ID1: variants seen among roughly 807,000 people sequenced by gnomAD.
The protein encoded by ID1 is DNA-binding protein inhibitor ID-1.
A neutral mutation model predicts 11.3 loss-of-function variants in ID1; 8 were observed. That is an observed-to-expected ratio of 0.71 (90% CI 0.42 to 1.28). ID1 has a LOEUF of 1.28. Ranked by LOEUF, ID1 falls within the 50% of genes most tolerant of loss-of-function variation. ID1 has a pLI of 0.01. For synonymous variants in ID1, 176 were observed against 100.2 expected (o/e 1.76, Z -4.52); for missense variants, 347 against 219.8 (o/e 1.58, Z -3.66).
Position 31,605,572 on chromosome 20 carries a change from T to A in ID1, c.185T>A (p.Val62Glu). Residue 62 changes from valine (V) to glutamate (E), a missense_variant, in exon 1 of 2, where the codon GTA (valine) becomes GAA (glutamate). Transcript: ENST00000376112. ...CCTGCCCTGCTGGACGAGCAGCAGG[T>A]AAACGTGCTGCTCTACGACATGAAC... is the stretch of plus-strand genomic sequence containing the variant. ...RLPALLDEQQ[V>E]NVLLYDMNGC... 1 of 1,560,760 alleles carries A rather than the reference T, an allele frequency of 6.4e-7. No homozygotes were observed.
chr20:31,605,661 G>A lies in ID1; in HGVS notation c.274G>A (p.Val92Met), dbSNP rs1374885672. 6.2e-7 allele frequency: 1 copy of A among 1,608,340 alleles called. No individual in the cohort carries two copies. Among genetic ancestry groups the A allele is most frequent in the South Asian group, 1.1e-5 (1 of 90,138 alleles). ...GCCCCAGAACCGCAAGGTGAGCAAG[G>A]TGGAGATTCTCCAGCACGTCATCGA... ...TLPQNRKVSK[V>M]EILQHVIDYI... The change falls in exon 1 of 2, where the codon GTG becomes ATG. Residue 92 changes from valine (V) to methionine (M), a missense_variant. Coordinates refer to ENST00000376112, the MANE Select transcript of ID1 (RefSeq NM_002165.4).
rs1986097218 is a variant in ID1, at chr20:31,606,063, T to A, written c.437T>A (p.Val146Asp). 6.2e-7 allele frequency: 1 copy of A among 1,610,450 alleles called. No homozygotes were observed. The highest frequency in any genetic ancestry group is 1.3e-5 in the African/African-American group (1 of 74,948). ...ISALTAEAACVPADDRILCR is the reference protein window; with the variant it reads ...ISALTAEAACDPADDRILCR ...TTCTCGTTTTCACAGGCGGCATGCG[T>A]TCCTGCGGACGATCGCATCTTGTGT... Residue 146 changes from valine to aspartate, a missense_variant, in exon 2 of 2, where the codon GTT becomes GAT. Transcript: ENST00000376112.
rs575404897 is a variant in ID1, at chr20:31,606,009, C to T, written c.427-44C>T. On this transcript the variant is annotated intron_variant, in intron 1 of 1. Coordinates refer to ENST00000376112, the MANE Select transcript of ID1 (RefSeq NM_002165.4). Reference sequence around the variant, plus strand: ...GGGGCGTTCGCTGCGCTCGGAGCGGCGTCCCTTCCAACCCGCCGGTCTCAT... The same window carrying T: ...GGGGCGTTCGCTGCGCTCGGAGCGGTGTCCCTTCCAACCCGCCGGTCTCAT... 13 of 1,608,850 alleles carry T rather than the reference C, an allele frequency of 8.1e-6. No homozygotes were observed. In the African/African-American group the frequency reaches 1.3e-4, roughly 16 times the overall value.
Position 31,606,155 on chromosome 20 carries a change from T to G in ID1, c.*61T>G, listed in dbSNP as rs1986102588. On this transcript the variant is annotated 3_prime_UTR_variant, in exon 2 of 2. Transcript: ENST00000376112. ...CCAGGGGGCAAGAGGAATTACGTGCTCTGTGGGTCTCCCCCAACGCGCCTC... is the reference window on the plus strand; with the variant it reads ...CCAGGGGGCAAGAGGAATTACGTGCGCTGTGGGTCTCCCCCAACGCGCCTC... The G allele has an allele frequency of 3.9e-6, 6 of 1,528,868 alleles. No homozygotes were observed. The highest frequency in any genetic ancestry group is 5.4e-6 in the Non-Finnish European group (6 of 1,108,092). 94.7% of individuals were successfully genotyped at this position (1,528,868 alleles called of 1,614,324 possible).
intron 1 of ID1, 59 bp from the exon 2 acceptor site, chr20:31,605,994 C>T: frequency 6.2e-7 from 1 of 1,611,456 alleles, no homozygotes; most frequent in East Asian, 2.2e-5. Flanking sequence ...GGGGCGTTCG[C>T]TGCGCTCGGA....
rs574815536 is a variant in ID1, at chr20:31,606,026, C to T, written c.427-27C>T. On this transcript the variant is annotated intron_variant, in intron 1 of 1. Transcript: ENST00000376112. ...CGGAGCGGCGTCCCTTCCAACCCGC[C>T]GGTCTCATTTCTTCTCGTTTTCACA... 414 of 1,612,968 alleles carry T rather than the reference C, an allele frequency of 2.6e-4. 1 individual carries two copies. Among genetic ancestry groups the T allele is most frequent in the South Asian group, 2.3e-3 (210 of 91,056 alleles).
intron 1 of ID1, 118 bp from the exon 2 acceptor site, chr20:31,605,935 G>A: frequency 1.3e-6 from 2 of 1,590,044 alleles, no homozygotes; most frequent in Non-Finnish European, 1.7e-6. Context: ...ATGCGGGGGT[G>A]CCTAAGGAGC....
Position 31,606,274 on chromosome 20 carries a change from G to C in ID1, c.*180G>C. The C allele has an allele frequency of 1.5e-6, 1 of 651,406 alleles. No individual in the cohort carries two copies. The highest frequency in any genetic ancestry group is 2.8e-6 in the Non-Finnish European group (1 of 363,074). The allele number at this position is 651,406 out of a possible 1,614,324, so 40.4% of individuals were successfully genotyped here. On this transcript the variant is annotated 3_prime_UTR_variant, in exon 2 of 2. Coordinates refer to ENST00000376112, the MANE Select transcript of ID1 (RefSeq NM_002165.4). ...GAGGCTGAGGCACTGGCGAGGAGAG[G>C]GCGCTCCTCTCTGCACACCTACTAG...
chr20:31,606,177 C>A lies in ID1; in HGVS notation c.*83C>A. 1 of 1,413,314 alleles carries A rather than the reference C, an allele frequency of 7.1e-7. No individual in the cohort carries two copies. The highest frequency in any genetic ancestry group is 9.9e-7 in the Non-Finnish European group (1 of 1,007,458). 87.5% of individuals were successfully genotyped at this position (1,413,314 alleles called of 1,614,324 possible). A position where few individuals can be genotyped will look rare whatever the true frequency, so the allele number is the denominator to read the frequency against. ...TGCTCTGTGGGTCTCCCCCAACGCG[C>A]CTCGCCGGATCTGAGGGAGAACAAG... On this transcript the variant is annotated 3_prime_UTR_variant, in exon 2 of 2. Transcript: ENST00000376112.
At position 31,605,714 on chromosome 20, in the gene ID1, G is replaced by C. The variant is rs772960185; in HGVS notation, c.327G>C (p.Leu109=). 1 of 1,611,342 alleles carries C rather than the reference G, an allele frequency of 6.2e-7. No homozygotes were observed. Among genetic ancestry groups the C allele is most frequent in the African/African-American group, 1.3e-5 (1 of 74,746 alleles). ...ACATCAGGGACCTTCAGTTGGAGCT[G>C]AACTCGGAATCCGAAGTTGGAACCC... The part of the protein sequence containing the change: ...IDYIRDLQLE[L]NSESEVGTPG... The change falls in exon 1 of 2, where the codon CTG becomes CTC. Residue 109 remains leucine (L), a synonymous_variant. Transcript: ENST00000376112.
Position 31,605,309 on chromosome 20 carries a change from C to T in ID1, c.-79C>T, listed in dbSNP as rs193117704. 6.1e-5 allele frequency: 82 copies of T among 1,341,972 alleles called. 1 individual carries two copies. In the Admixed American group the frequency reaches 7.3e-4, roughly 12 times the overall value. The allele number at this position is 1,341,972 out of a possible 1,614,324, so 83.1% of individuals were successfully genotyped here. A position where few individuals can be genotyped will look rare whatever the true frequency, so the allele number is the denominator to read the frequency against. On this transcript the variant is annotated 5_prime_UTR_variant, in exon 1 of 2. Coordinates refer to ENST00000376112, the MANE Select transcript of ID1 (RefSeq NM_002165.4). ...CTCTCATTCCACGTTCTTAACTGTTCCATTTTCCGTATCTGCTTCGGGCTT... is the reference window on the plus strand; with the variant it reads ...CTCTCATTCCACGTTCTTAACTGTTTCATTTTCCGTATCTGCTTCGGGCTT...
chr20:31,606,136 G>A lies in ID1; in HGVS notation c.*42G>A, dbSNP rs774673437. On this transcript the variant is annotated 3_prime_UTR_variant, in exon 2 of 2. Transcript: ENST00000376112. ...ACCGGCGGACCCCAGCCATCCAGGGGGCAAGAGGAATTACGTGCTCTGTGG... is the reference window on the plus strand; with the variant it reads ...ACCGGCGGACCCCAGCCATCCAGGGAGCAAGAGGAATTACGTGCTCTGTGG... The A allele has an allele frequency of 1.9e-6, 3 of 1,590,784 alleles. No homozygotes were observed. Among genetic ancestry groups the A allele is most frequent in the African/African-American group, 1.3e-5 (1 of 74,580 alleles).
Position 31,605,501 on chromosome 20 carries a change from G to C in ID1, c.114G>C (p.Gln38His). 6.3e-7 allele frequency: 1 copy of C among 1,598,446 alleles called. No individual in the cohort carries two copies. Among genetic ancestry groups the C allele is most frequent in the Admixed American group, 1.7e-5 (1 of 57,916 alleles). The change falls in exon 1 of 2, where the codon CAG becomes CAC. Residue 38 changes from glutamine to histidine, a missense_variant. Physicochemically the swap from Gln to His is conservative, Grantham distance 24 (BLOSUM62 0). Coordinates refer to ENST00000376112, the MANE Select transcript of ID1 (RefSeq NM_002165.4). ...AGEVVRCLSE[Q>H]SVAISRCAGG... ...AGGTGGTGCGCTGTCTGTCTGAGCA[G>C]AGCGTGGCCATCTCGCGCTGCGCCG... is the stretch of plus-strand genomic sequence containing the variant.
Position 31,605,730 on chromosome 20 carries a change from G to C in ID1, c.343G>C (p.Val115Leu), listed in dbSNP as rs145878183. The change falls in exon 1 of 2, where the codon GTT becomes CTT. Residue 115 changes from valine (V) to leucine (L), a missense_variant. Physicochemically the swap from Val to Leu is conservative, Grantham distance 32. Coordinates refer to ENST00000376112, the MANE Select transcript of ID1 (RefSeq NM_002165.4). ...GTTGGAGCTGAACTCGGAATCCGAA[G>C]TTGGAACCCCCGGGGGCCGAGGGCT... is the stretch of plus-strand genomic sequence containing the variant. The part of the protein sequence containing the change: ...LQLELNSESE[V>L]GTPGGRGLPV... 6.5e-5 allele frequency: 104 copies of C among 1,611,310 alleles called. No individual in the cohort carries two copies. The African/African-American group carries it at 1.2e-3, about 19-fold the overall frequency.
At position 31,605,293 on chromosome 20, in the gene ID1, C is replaced by T. The variant is rs1986041047; in HGVS notation, c.-95C>T. 1.4e-5 allele frequency: 17 copies of T among 1,186,384 alleles called. No individual in the cohort carries two copies. The South Asian group carries it at 1.6e-4, about 11-fold the overall frequency. The allele number at this position is 1,186,384 out of a possible 1,614,324, so 73.5% of individuals were successfully genotyped here. Reference sequence around the variant, plus strand: ...AAGCTGTGGCTCCGCACTCTCATTCCACGTTCTTAACTGTTCCATTTTCCG... The same window carrying T: ...AAGCTGTGGCTCCGCACTCTCATTCTACGTTCTTAACTGTTCCATTTTCCG... On this transcript the variant is annotated 5_prime_UTR_variant, in exon 1 of 2. Coordinates refer to ENST00000376112, the MANE Select transcript of ID1 (RefSeq NM_002165.4).
Position 31,605,491 on chromosome 20 carries a change from T to G in ID1, c.104T>G (p.Leu35Arg), listed in dbSNP as rs1986057882. Reference sequence around the variant, plus strand: ...GGTGCGGGCGAGGTGGTGCGCTGTCTGTCTGAGCAGAGCGTGGCCATCTCG... The same window carrying G: ...GGTGCGGGCGAGGTGGTGCGCTGTCGGTCTGAGCAGAGCGTGGCCATCTCG... Reference protein sequence around the residue: ...ASGAGEVVRCLSEQSVAISRC... With the variant: ...ASGAGEVVRCRSEQSVAISRC... Residue 35 changes from leucine (L) to arginine (R), a missense_variant, in exon 1 of 2, where the codon CTG (leucine) becomes CGG (arginine). Leu to Arg is a moderately radical substitution (Grantham distance 102, BLOSUM62 -2). Coordinates refer to ENST00000376112, the MANE Select transcript of ID1 (RefSeq NM_002165.4). The G allele has an allele frequency of 1.9e-6, 3 of 1,604,208 alleles. No individual in the cohort carries two copies. The Admixed American group carries it at 5.1e-5, about 27-fold the overall frequency.
chr20:31,605,962 C>A, intron 1 of ID1, 91 bp from the exon 2 acceptor site: 1 of 1,605,296 alleles, frequency 6.2e-7, no homozygotes, highest in Non-Finnish European at 8.5e-7. Flanking sequence ...AAAGCGCTCC[C>A]CCGTCGTGCT....
In ID1 at chr20:31,605,306, G is replaced by A. The variant is rs187603623; in HGVS notation, c.-82G>A. On this transcript the variant is annotated 5_prime_UTR_variant, in exon 1 of 2. Transcript: ENST00000376112. ...GCACTCTCATTCCACGTTCTTAACT[G>A]TTCCATTTTCCGTATCTGCTTCGGG... 892 of 1,311,814 alleles carry A rather than the reference G, an allele frequency of 6.8e-4. 11 individuals are homozygous for A. The highest frequency in any genetic ancestry group is 1.8e-4 in the Non-Finnish European group (172 of 951,012). 81.3% of individuals were successfully genotyped at this position (1,311,814 alleles called of 1,614,324 possible). A position where few individuals can be genotyped will look rare whatever the true frequency, so the allele number is the denominator to read the frequency against.
At position 31,606,121 on chromosome 20, in the gene ID1, C is replaced by G. The variant is rs559514698; in HGVS notation, c.*27C>G. 2 of 1,603,208 alleles carry G rather than the reference C, an allele frequency of 1.2e-6. No individual in the cohort carries two copies. The highest frequency in any genetic ancestry group is 2.7e-5 in the African/African-American group (2 of 74,846). On this transcript the variant is annotated 3_prime_UTR_variant, in exon 2 of 2. Transcript: ENST00000376112. ...GCGCCTCCCCCAGGGACCGGCGGAC[C>G]CCAGCCATCCAGGGGGCAAGAGGAA...
Sources: allele counts gnomAD v4.1 joint callset, GRCh38; gene constraint gnomAD v4.1.1; transcripts MANE v1.5; gene names NCBI Gene and HGNC (gene_info 2026-07-23, HGNC 2026-07-21).